The following SLC6A19 variants were observed in gnomAD, a reference collection of about 807,000 sequenced individuals.
SLC6A19 encodes sodium-dependent neutral amino acid transporter B(0)AT1.
A neutral mutation model predicts 68.3 loss-of-function variants in SLC6A19; 67 were observed. That is an observed-to-expected ratio of 0.98 (90% confidence interval 0.81 to 1.20). The LOEUF (loss-of-function observed/expected upper bound fraction) is 1.20, where lower values mean the gene tolerates loss of function less well. SLC6A19 is among the 50% of genes most tolerant of loss of function. The pLI is 0.00. For missense variants in SLC6A19, 813 were observed against 851.6 expected (o/e 0.95, Z 0.56); for synonymous variants, 392 against 374.9 (o/e 1.05, Z -0.53).
chr5:1,219,468 C>T lies in SLC6A19; in HGVS notation c.1379-37C>T, dbSNP rs920761963. 4 of 1,606,560 alleles carry T rather than the reference C, an allele frequency of 2.5e-6. No individual in the cohort carries two copies. The Admixed American group carries it at 5.0e-5, about 20-fold the overall frequency. Reference sequence around the variant, plus strand: ...TCTGTCCCTGGCCGTGCGTGCAGCCCCTGGGCGTGTGAGCAGCTCTGTCCC... The same window carrying T: ...TCTGTCCCTGGCCGTGCGTGCAGCCTCTGGGCGTGTGAGCAGCTCTGTCCC... On this transcript the variant is annotated intron_variant, in intron 9 of 11. Coordinates refer to ENST00000304460, the MANE Select transcript of SLC6A19 (RefSeq NM_001003841.3).
At chr5:1,208,455 C>G (rs937802118) in intron 1 of SLC6A19, among the ~76,000 whole-genome samples, 3 of 152,108 alleles carry the variant, frequency 2.0e-5, no homozygotes, top group Admixed American at 2.0e-4. Flanking sequence ...TTGGTCAGAG[C>G]GCGTGAGGCA....
At chr5:1,210,809 G>A (rs917024536) in intron 3 of SLC6A19, among the ~76,000 whole-genome samples, 47 of 151,726 alleles carry the variant, frequency 3.1e-4, no homozygotes, top group African/African-American at 1.1e-3. Context: ...GTGGGAGCCC[G>A]GGGGGGCTGT....
intron 11 of SLC6A19, 85 bp from the exon 12 acceptor site, chr5:1,221,616 G>T: frequency 6.5e-7 from 1 of 1,533,258 alleles, no homozygotes. Context: ...CAGGAGGTGA[G>T]AGTCATGGGG....
intron 1 of SLC6A19, among the ~76,000 whole-genome samples, chr5:1,206,741 G>A (rs917387018): frequency 2.6e-5 from 4 of 152,240 alleles, no homozygotes; most frequent in African/African-American, 4.8e-5. Flanking sequence ...GACACGCAGC[G>A]TGAGGAGGGG....
rs752112692 is a variant in SLC6A19, at chr5:1,212,288, T to C, written c.482-15T>C. On this transcript the variant is annotated splice_polypyrimidine_tract_variant and intron_variant, in intron 3 of 11. Coordinates refer to ENST00000304460, the MANE Select transcript of SLC6A19 (RefSeq NM_001003841.3). This position sits in a 1 kb window ranked among gnomAD's most constrained non-coding sequence, Gnocchi z 5.1. ...GGACCCGTACCCTGAGGTGTGTGAA[T>C]GGCCCTCTCCCCAGGGTATGTGGAC... is the stretch of plus-strand genomic sequence containing the variant. The C allele has an allele frequency of 9.3e-6, 15 of 1,612,924 alleles. No individual in the cohort carries two copies. Among genetic ancestry groups the C allele is most frequent in the Non-Finnish European group, 1.3e-5 (15 of 1,179,880 alleles).
rs79292694 is a variant in SLC6A19, at chr5:1,207,730, C to A, written c.203-1016C>A. Among the ~76,000 whole-genome samples, 3 of 152,222 alleles carry A rather than the reference C, an allele frequency of 2.0e-5. No individual in the cohort carries two copies. In the South Asian group the frequency reaches 6.2e-4, roughly 31 times the overall value. On this transcript the variant is annotated intron_variant, in intron 1 of 11. Transcript: ENST00000304460. ...CAGTTGAAACACTAAACGTGGCCCT[C>A]GGTTTAGACCATGAGTGAGTCACCT...
At chr5:1,204,035 A>T (rs940264555) in intron 1 of SLC6A19, among the ~76,000 whole-genome samples, 1 of 151,564 alleles carries the variant, frequency 6.6e-6, no homozygotes, top group Non-Finnish European at 1.5e-5. Flanking sequence ...CAGACAGCGC[A>T]CTCTCTCTCT....
chr5:1,203,322 G>A (rs13159461), intron 1 of SLC6A19, among the ~76,000 whole-genome samples: 60,680 of 152,084 alleles, frequency 0.4, 12,381 homozygotes, highest in Non-Finnish European at 0.45. Context: ...GAGACCAGCC[G>A]CTGTGCACGG....
chr5:1,217,355 C>T (rs1477551112), intron 8 of SLC6A19, among the ~76,000 whole-genome samples: 3 of 152,354 alleles, frequency 2.0e-5, no homozygotes, highest in South Asian at 2.1e-4. Flanking sequence ...TTTGGACTGG[C>T]GGGCGAGGCT....
Position 1,220,409 on chromosome 5 carries a change from C to CAAA in SLC6A19, c.1539-726_1539-724dup, listed in dbSNP as rs70957336. On this transcript the variant is annotated intron_variant, in intron 10 of 11. Coordinates refer to ENST00000304460, the MANE Select transcript of SLC6A19 (RefSeq NM_001003841.3). ...TGGGTGACAAAATGAGGCTCCATCT[C>CAAA]AAAAAAAAAAAAAAAAAAGAGGAAG... Among the ~76,000 whole-genome samples, 139 of 105,656 alleles carry CAAA rather than the reference C, an allele frequency of 1.3e-3. 1 individual carries two copies. In the South Asian group the frequency reaches 0.043, roughly 33 times the overall value. The allele number at this position is 105,656 out of a possible 152,430, so 69.3% of individuals were successfully genotyped here.
chr5:1,213,448 T>G lies in SLC6A19; in HGVS notation c.664-15T>G. Reference sequence around the variant, plus strand: ...CCCAACTTCCCGCCCATCCCACATGTCCCGCCCTCCGCAGGCCGTGTACAT... The same window carrying G: ...CCCAACTTCCCGCCCATCCCACATGGCCCGCCCTCCGCAGGCCGTGTACAT... On this transcript the variant is annotated splice_polypyrimidine_tract_variant and intron_variant, in intron 4 of 11. Transcript: ENST00000304460. The G allele has an allele frequency of 7.5e-7, 1 of 1,332,804 alleles. No homozygotes were observed. The highest frequency in any genetic ancestry group is 9.8e-7 in the Non-Finnish European group (1 of 1,016,210). 82.6% of individuals were successfully genotyped at this position (1,332,804 alleles called of 1,614,324 possible).
rs756223121 is a variant in SLC6A19, at chr5:1,201,749, G to A, written c.99G>A (p.Pro33=). The part of the protein sequence containing the change: ...TIEQEEASSR[P]KWDNKAQYML... Reference sequence around the variant, plus strand: ...AGCAGGAGGAGGCCAGCTCCCGGCCGAAGTGGGACAACAAGGCGCAGTACA... The same window carrying A: ...AGCAGGAGGAGGCCAGCTCCCGGCCAAAGTGGGACAACAAGGCGCAGTACA... The change falls in exon 1 of 12, where the codon CCG becomes CCA. Residue 33 remains proline, a synonymous_variant. Coordinates refer to ENST00000304460, the MANE Select transcript of SLC6A19 (RefSeq NM_001003841.3). The A allele has an allele frequency of 6.1e-5, 98 of 1,612,636 alleles. 1 individual carries two copies. In the Admixed American group the frequency reaches 7.2e-4, roughly 12 times the overall value.
At chr5:1,220,275 T>C (rs1746339169) in intron 10 of SLC6A19, among the ~76,000 whole-genome samples, 1 of 151,730 alleles carries the variant, frequency 6.6e-6, no homozygotes, top group African/African-American at 2.4e-5. Flanking sequence ...CCAGGCATGG[T>C]GGTGCATGCC....
rs982243550 is a variant in SLC6A19, at chr5:1,222,351, C to T, written c.*447C>T. The T allele has an allele frequency of 4.2e-6, 2 of 479,440 alleles. No individual in the cohort carries two copies. Among genetic ancestry groups the T allele is most frequent in the African/African-American group, 1.9e-5 (1 of 52,258 alleles). The allele number at this position is 479,440 out of a possible 1,614,324, so 29.7% of individuals were successfully genotyped here. On this transcript the variant is annotated 3_prime_UTR_variant, in exon 12 of 12. Transcript: ENST00000304460. Reference sequence around the variant, plus strand: ...GTGTGAACACACACGTGTATACATGCATGCACATGTGCTCGTACAATGGGT... The same window carrying T: ...GTGTGAACACACACGTGTATACATGTATGCACATGTGCTCGTACAATGGGT...
In SLC6A19 at chr5:1,222,279, C is replaced by T. The variant is rs938973371; in HGVS notation, c.*375C>T. The T allele has an allele frequency of 7.1e-6, 4 of 559,678 alleles. No individual in the cohort carries two copies. The highest frequency in any genetic ancestry group is 9.5e-6 in the Non-Finnish European group (3 of 317,396). The allele number at this position is 559,678 out of a possible 1,614,324, so 34.7% of individuals were successfully genotyped here. ...GCGATATTTGCTGCCCGTGTGTGTG[C>T]ATGTATATATAGACATACATGCCTA... On this transcript the variant is annotated 3_prime_UTR_variant, in exon 12 of 12. Coordinates refer to ENST00000304460, the MANE Select transcript of SLC6A19 (RefSeq NM_001003841.3).
At chr5:1,202,149 C>T (rs556429634) in intron 1 of SLC6A19, among the ~76,000 whole-genome samples, 42 of 152,272 alleles carry the variant, frequency 2.8e-4, no homozygotes, top group East Asian at 1.2e-3. Flanking sequence ...AGGGTGGGGC[C>T]GGGGGAAGGG....
intron 2 of SLC6A19, among the ~76,000 whole-genome samples, chr5:1,210,070 C>T (rs1745978186): frequency 6.6e-6 from 1 of 152,262 alleles, no homozygotes; most frequent in Non-Finnish European, 1.5e-5. Flanking sequence ...CCGTAGGCAG[C>T]AACCAGGCTA....
intron 3 of SLC6A19, among the ~76,000 whole-genome samples, chr5:1,211,392 G>T (rs1442314094): frequency 6.6e-6 from 1 of 152,244 alleles, no homozygotes; most frequent in African/African-American, 2.4e-5. Flanking sequence ...GTGTGGAGTG[G>T]GCAGTTGCAG....
rs763114840 is a variant in SLC6A19 at position 1,221,262 on chromosome 5, C to G, written c.1650C>G (p.Phe550Leu). 6.2e-7 allele frequency: 1 copy of G among 1,613,990 alleles called. No homozygotes were observed. Among genetic ancestry groups the G allele is most frequent in the Admixed American group, 1.7e-5 (1 of 60,006 alleles). The change falls in exon 11 of 12, where the codon TTC (phenylalanine) becomes TTG (leucine). Residue 550 changes from phenylalanine (F) to leucine (L), a missense_variant. Phe to Leu is a conservative substitution (Grantham distance 22). Coordinates refer to ENST00000304460, the MANE Select transcript of SLC6A19 (RefSeq NM_001003841.3). ...LLMLIIFLFFFVVEVSQELTY... is the reference protein window; with the variant it reads ...LLMLIIFLFFLVVEVSQELTY... ...TGCTGATCATCTTCCTCTTCTTCTT[C>G]GTGGTAGAGGTCAGTCAGGAGCTGA...
Sources: gnomAD v4.1 joint callset for allele counts (sites outside exome capture counted in the v4.1 genomes callset) on GRCh38, gnomAD v4.1.1 for gene constraint, Gnocchi (gnomAD v3.1) non-coding constraint, MANE v1.5 for transcripts, NCBI Gene and HGNC (gene_info 2026-07-23, HGNC 2026-07-21) for gene names.